Variants in MTHFD2L observed in about 807,000 individuals in gnomAD.
MTHFD2L encodes the protein methylenetetrahydrofolate dehydrogenase (NADP+ dependent) 2 like, also known as bifunctional methylenetetrahydrofolate dehydrogenase/cyclohydrolase 2, mitochondrial.
In MTHFD2L, 29 loss-of-function variants were observed where a neutral mutation model predicts 34.9. That is an observed-to-expected ratio of 0.83 (90% CI 0.62 to 1.13). The LOEUF is 1.13. Ranked by LOEUF, MTHFD2L falls within the 50% of genes most tolerant of loss-of-function variation. The probability of loss-of-function intolerance (pLI) is 0.00; values close to 1 mark genes in which losing one functional copy is unlikely to be tolerated. For missense variants in MTHFD2L, 481 were observed against 446.5 expected (o/e 1.08, Z -0.70); for synonymous variants, 167 against 155.7 (o/e 1.07, Z -0.54).
chr4:74,155,529 G>T (rs772562795), upstream of MTHFD2L, among the ~76,000 whole-genome samples: 2 of 152,048 alleles, frequency 1.3e-5, no homozygotes, highest in Non-Finnish European at 1.5e-5. Flanking sequence ...TCTAAATTGT[G>T]TAGTGAGAAT....
chr4:74,162,297 A>G (rs1028195185), intron 1 of MTHFD2L: 1 of 152,190 alleles, frequency 6.6e-6, no homozygotes, highest in Non-Finnish European at 1.5e-5. Flanking sequence ...CTTGGAAAAT[A>G]TGTAATAATT....
At chr4:74,225,813 A>T (rs973554527) in intron 6 of MTHFD2L, among the ~76,000 whole-genome samples, 2 of 152,150 alleles carry the variant, frequency 1.3e-5, no homozygotes, top group South Asian at 2.1e-4. Context: ...TGCCCTAAAC[A>T]CAGCCAGGCT....
At chr4:74,284,815 A>C (rs571743128) in intron 7 of MTHFD2L, among the ~76,000 whole-genome samples, 8 of 152,204 alleles carry the variant, frequency 5.3e-5, no homozygotes, top group African/African-American at 1.9e-4. Context: ...AGAAATACCA[A>C]TTGACCCAGC....
At chr4:74,279,904 A>AT (rs777101712) in intron 6 of MTHFD2L, among the ~76,000 whole-genome samples, 9 of 152,078 alleles carry the variant, frequency 5.9e-5, no homozygotes, top group Non-Finnish European at 1.3e-4. Flanking sequence ...TCCTACAGCT[A>AT]TATCTATGTT....
intron 1 of MTHFD2L, among the ~76,000 whole-genome samples, chr4:74,167,140 C>T (rs1726892165): frequency 6.6e-6 from 1 of 152,238 alleles, no homozygotes; most frequent in Non-Finnish European, 1.5e-5. Flanking sequence ...GACCCATGCA[C>T]CGGATTAGCC....
chr4:74,262,200 A>C (rs7656313), intron 6 of MTHFD2L, among the ~76,000 whole-genome samples: 9,549 of 152,018 alleles, frequency 0.063, 687 homozygotes, highest in African/African-American at 0.17. Context: ...AAAAAAATCT[A>C]GTTAAACTCC....
chr4:74,194,762 T>C (rs1399406196), intron 3 of MTHFD2L: 1 of 152,252 alleles, frequency 6.6e-6, no homozygotes, highest in East Asian at 1.9e-4. Flanking sequence ...AGCCAGCTGC[T>C]CGAACCATGT....
At chr4:74,171,730 GA>G (rs1728035950) in intron 1 of MTHFD2L, among the ~76,000 whole-genome samples, 1 of 152,230 alleles carries the variant, frequency 6.6e-6, no homozygotes, top group African/African-American at 2.4e-5. Flanking sequence ...TTGAACCCAG[GA>G]GGCGGAGGTT....
At chr4:74,171,293 A>G (rs559410933) in intron 1 of MTHFD2L, among the ~76,000 whole-genome samples, 1 of 152,330 alleles carries the variant, frequency 6.6e-6, no homozygotes, top group Non-Finnish European at 1.5e-5. Context: ...AAGCACAGTG[A>G]CATACCACCA....
At chr4:74,115,728 G>T (rs374973598) in intron 2 of MTHFD2L, among the ~76,000 whole-genome samples, 2 of 152,142 alleles carry the variant, frequency 1.3e-5, no homozygotes, top group Non-Finnish European at 2.9e-5. Context: ...AGAAATACTC[G>T]TGTATATTAG....
rs140100251 is a variant in MTHFD2L, at chr4:74,133,928, G to A, written c.-297+8411G>A. ...AGAGATCCTGTATGAGGATGAGACA[G>A]TTCCTGTAGGTACAGAGAAGTGGAA... is the stretch of plus-strand genomic sequence containing the variant. On this transcript the variant is annotated intron_variant, in intron 1 of 7. Coordinates refer to the MTHFD2L transcript ENST00000433372. Among the ~76,000 whole-genome samples, 292 of 152,224 alleles carry A rather than the reference G, an allele frequency of 1.9e-3. 2 individuals are homozygous for A. The highest frequency in any genetic ancestry group is 6.7e-3 in the African/African-American group (278 of 41,534).
At chr4:74,301,245 G>A (rs1750277790) in intron 7 of MTHFD2L, among the ~76,000 whole-genome samples, 1 of 152,016 alleles carries the variant, frequency 6.6e-6, no homozygotes, top group Non-Finnish European at 1.5e-5. Context: ...GAATTGAAAT[G>A]TATTATCCAC....
intron 1 of MTHFD2L, among the ~76,000 whole-genome samples, chr4:74,164,231 G>C (rs766334322): frequency 6.6e-6 from 1 of 152,166 alleles, no homozygotes; most frequent in Non-Finnish European, 1.5e-5. Context: ...AGTTGAAGTC[G>C]TGAATAAAGA....
chr4:74,123,002 T>C (rs978370677), upstream of MTHFD2L, among the ~76,000 whole-genome samples: 1 of 152,226 alleles, frequency 6.6e-6, no homozygotes, highest in Non-Finnish European at 1.5e-5. Context: ...TTTCAAAGTA[T>C]GAATGCTATA....
At chr4:74,248,333 G>T (rs1338620236) in intron 6 of MTHFD2L, among the ~76,000 whole-genome samples, 9 of 152,156 alleles carry the variant, frequency 5.9e-5, no homozygotes, top group East Asian at 1.9e-4. Flanking sequence ...GATATCCCCT[G>T]TATCATTTTT....
intron 1 of MTHFD2L, among the ~76,000 whole-genome samples, chr4:74,170,719 A>T (rs895621339): frequency 6.6e-6 from 1 of 151,994 alleles, no homozygotes; most frequent in Non-Finnish European, 1.5e-5. Context: ...AAAGAACTTT[A>T]AAAAAACCCA....
intron 6 of MTHFD2L, among the ~76,000 whole-genome samples, chr4:74,272,620 T>A (rs1746138340): frequency 6.6e-6 from 1 of 152,140 alleles, no homozygotes; most frequent in African/African-American, 2.4e-5. Context: ...TGATTGGTAA[T>A]ACCGGATTGT....
chr4:74,251,063 G>A (rs1413431985), intron 6 of MTHFD2L, among the ~76,000 whole-genome samples: 1 of 152,070 alleles, frequency 6.6e-6, no homozygotes, highest in Non-Finnish European at 1.5e-5. Context: ...TGACTCCCTA[G>A]GAGCCCAGAA....
chr4:74,153,615 A>C (rs1307745373), upstream of MTHFD2L, among the ~76,000 whole-genome samples: 2 of 152,196 alleles, frequency 1.3e-5, no homozygotes, highest in African/African-American at 4.8e-5. Flanking sequence ...TACCTTTTTC[A>C]GTTCAGGAGG....
Sources: allele counts gnomAD v4.1 joint callset (sites outside exome capture counted in the v4.1 genomes callset), GRCh38; gene constraint gnomAD v4.1.1; transcripts MANE v1.5; gene names NCBI Gene and HGNC (gene_info 2026-07-23, HGNC 2026-07-21).